The following PCDHGB2 variants were observed in gnomAD, a reference collection of about 807,000 sequenced individuals.
The protein encoded by PCDHGB2 is protocadherin gamma-B2.
A neutral mutation model predicts 59.3 loss-of-function variants in PCDHGB2; 55 were observed. The ratio of observed to expected loss-of-function variants is 0.93; its 90% CI spans 0.75 to 1.16. PCDHGB2 has a LOEUF of 1.16. PCDHGB2 is among the 50% of genes most tolerant of loss of function. PCDHGB2 has a pLI of 0.00. For missense variants in PCDHGB2, 1,228 were observed against 1,198.5 expected (o/e 1.02, Z -0.36); for synonymous variants, 516 against 512.0 (o/e 1.01, Z -0.11).
intron 1 of PCDHGB2, among the ~76,000 whole-genome samples, chr5:141,438,517 T>G (rs975190211): frequency 6.7e-6 from 1 of 148,384 alleles, no homozygotes; most frequent in Non-Finnish European, 1.5e-5. Context: ...AAACCAATTA[T>G]TTTACATGGA....
intron 1 of PCDHGB2, among the ~76,000 whole-genome samples, chr5:141,434,700 G>A (rs1041657389): frequency 6.6e-6 from 1 of 151,780 alleles, no homozygotes; most frequent in Non-Finnish European, 1.5e-5. Context: ...TAATAAATAT[G>A]TGGGTAAATC....
At chr5:141,374,300 C>A (rs746754972) in intron 1 of PCDHGB2, 38 of 1,613,830 alleles carry the variant, frequency 2.4e-5, no homozygotes, top group Non-Finnish European at 3.1e-5. Flanking sequence ...AGGTAGGATG[C>A]AGCTTTTCTC....
At position 141,486,931 on chromosome 5, in the gene PCDHGB2, T is replaced by C. The variant is rs201042803; in HGVS notation, c.2422-7876T>C. 2 of 1,614,258 alleles carry C rather than the reference T, an allele frequency of 1.2e-6. No homozygotes were observed. Among genetic ancestry groups the C allele is most frequent in the East Asian group, 2.2e-5 (1 of 44,876 alleles). ...AAGCACTGCCTCCATCAGTTGGTGC[T>C]GGCCACCTAATCACAAAGGTGACTG... On this transcript the variant is annotated intron_variant, in intron 1 of 3. Coordinates refer to ENST00000522605, the MANE Select transcript of PCDHGB2 (RefSeq NM_018923.3). This position sits in a 1 kb window ranked among gnomAD's most constrained non-coding sequence, Gnocchi z 5.0.
intron 1 of PCDHGB2, among the ~76,000 whole-genome samples, chr5:141,484,009 T>A (rs1157069536): frequency 7.1e-5 from 1 of 14,094 alleles, no homozygotes; most frequent in African/African-American, 2.8e-4. Flanking sequence ...TGGATGAGGG[T>A]GGGGGTGGGG....
intron 1 of PCDHGB2, chr5:141,394,820 C>T (rs1480144579): frequency 5.6e-6 from 9 of 1,613,748 alleles, no homozygotes; most frequent in African/African-American, 1.3e-5. Flanking sequence ...ACAGCATCCC[C>T]GAAGTCCTGA....
At chr5:141,393,374 T>A (rs11575958) in intron 1 of PCDHGB2, 1 of 1,613,626 alleles carries the variant, frequency 6.2e-7, no homozygotes, top group Admixed American at 1.7e-5. Context: ...CTGGAGACAA[T>A]GGAGCCATAA....
At chr5:141,388,539 G>T (rs747974278) in intron 1 of PCDHGB2, 1 of 1,613,740 alleles carries the variant, frequency 6.2e-7, no homozygotes. Context: ...GGACTTTGGA[G>T]CTCCACCCCT....
intron 1 of PCDHGB2, chr5:141,391,218 T>A (rs1486850229): frequency 1.3e-5 from 2 of 152,172 alleles, no homozygotes; most frequent in South Asian, 2.1e-4. Flanking sequence ...AGGAACATTA[T>A]ATGAGCCTTT....
At chr5:141,379,815 T>C (rs1489145506) in intron 1 of PCDHGB2, among the ~76,000 whole-genome samples, 2 of 150,388 alleles carry the variant, frequency 1.3e-5, no homozygotes, top group South Asian at 2.1e-4. Context: ...GAGTTCAGTA[T>C]AGAATTTTGA....
intron 1 of PCDHGB2, chr5:141,367,007 C>A: frequency 2.3e-6 from 1 of 430,082 alleles, no homozygotes; most frequent in Non-Finnish European, 4.0e-6. Context: ...TCATTTTACC[C>A]AAATATTTTG....
At chr5:141,366,469 G>T (rs575828819) in intron 1 of PCDHGB2, 4 of 1,614,256 alleles carry the variant, frequency 2.5e-6, no homozygotes, top group Admixed American at 1.7e-5. Context: ...TGCTGCTGGT[G>T]CTCAGACTGA....
At chr5:141,373,797 C>G (rs1369464661) in intron 1 of PCDHGB2, 1 of 311,662 alleles carries the variant, frequency 3.2e-6, no homozygotes, top group Non-Finnish European at 5.8e-6. Context: ...AAATAAAATC[C>G]TCTGTGTGAT....
chr5:141,412,975 C>G (rs1221821871), intron 1 of PCDHGB2: 3 of 532,642 alleles, frequency 5.6e-6, no homozygotes, highest in Non-Finnish European at 9.7e-6. Flanking sequence ...AGAGAAAACG[C>G]AGCCAGAGCT....
At chr5:141,472,998 GAAAGAA>G (rs1489589280) in intron 1 of PCDHGB2, among the ~76,000 whole-genome samples, 8 of 134,744 alleles carry the variant, frequency 5.9e-5, no homozygotes, top group South Asian at 2.3e-4. Flanking sequence ...AAAAAAAAAA[GAAAGAA>G]AAAGAAAAAG....
chr5:141,423,325 G>A lies in PCDHGB2; in HGVS notation c.2421+60769G>A, dbSNP rs201044967. ...GCTGTACTTGGTGGTGGCGGTGGCCGCAGTCTCCTGCATCTTCCTGGTCTT... is the reference window on the plus strand; with the variant it reads ...GCTGTACTTGGTGGTGGCGGTGGCCACAGTCTCCTGCATCTTCCTGGTCTT... On this transcript the variant is annotated intron_variant, in intron 1 of 3. Coordinates refer to ENST00000522605, the MANE Select transcript of PCDHGB2 (RefSeq NM_018923.3). 133 of 1,614,016 alleles carry A rather than the reference G, an allele frequency of 8.2e-5. No individual in the cohort carries two copies. Among genetic ancestry groups the A allele is most frequent in the Non-Finnish European group, 4.1e-5 (48 of 1,180,008 alleles).
chr5:141,370,949 C>T (rs1317760178), intron 1 of PCDHGB2: 2 of 1,613,980 alleles, frequency 1.2e-6, no homozygotes, highest in Non-Finnish European at 8.5e-7. Flanking sequence ...AGAAGGAGAA[C>T]CTGGATGGCA....
At chr5:141,407,261 C>G (rs1396861077) in intron 1 of PCDHGB2, among the ~76,000 whole-genome samples, 1 of 152,128 alleles carries the variant, frequency 6.6e-6, no homozygotes, top group Non-Finnish European at 1.5e-5. Flanking sequence ...TATTTTTAAC[C>G]ATGCAACAAG....
At chr5:141,457,062 T>C (rs1168687034) in intron 1 of PCDHGB2, among the ~76,000 whole-genome samples, 1 of 152,232 alleles carries the variant, frequency 6.6e-6, no homozygotes, top group Non-Finnish European at 1.5e-5. Context: ...GCTTCCTTTT[T>C]GCCAGTAACT....
intron 1 of PCDHGB2, chr5:141,418,561 T>C: frequency 1.2e-6 from 2 of 1,614,006 alleles, no homozygotes; most frequent in Non-Finnish European, 1.7e-6. Context: ...TGGTAATAGA[T>C]GCCAATGACA....
Sources: gnomAD v4.1 joint callset for allele counts (sites outside exome capture counted in the v4.1 genomes callset) on GRCh38, gnomAD v4.1.1 for gene constraint, Gnocchi (gnomAD v3.1) non-coding constraint, MANE v1.5 for transcripts, NCBI Gene and HGNC (gene_info 2026-07-23, HGNC 2026-07-21) for gene names.